Variants in NEDD9 observed in about 807,000 individuals in gnomAD.
NEDD9 encodes the protein enhancer of filamentation 1.
Under a neutral mutation model 76.6 loss-of-function variants are expected in NEDD9, and 26 were observed. That is an observed-to-expected ratio of 0.34 (90% CI 0.25 to 0.47). The LOEUF is 0.47. Ranked by LOEUF, NEDD9 falls within the 20% of genes least tolerant of loss-of-function variation. NEDD9 has a pLI of 1.00. For synonymous variants in NEDD9, 392 were observed against 414.2 expected, an observed-to-expected ratio of 0.95 and a Z score of 0.65; for missense variants, 937 against 1,058.5, an observed-to-expected ratio of 0.89 and a Z score of 1.59.
chr6:11,374,857 G>A (rs1366141819), intron 1 of NEDD9, among the ~76,000 whole-genome samples: 1 of 152,214 alleles, frequency 6.6e-6, no homozygotes, highest in Non-Finnish European at 1.5e-5. Flanking sequence ...CCCACAATCA[G>A]CATGGGCTAG....
chr6:11,215,948 A>T (rs543585143), intron 1 of NEDD9, among the ~76,000 whole-genome samples: 1 of 152,372 alleles, frequency 6.6e-6, no homozygotes, highest in East Asian at 1.9e-4. Flanking sequence ...GCACCGGAGC[A>T]TGCTTGATCA....
intron 1 of NEDD9, among the ~76,000 whole-genome samples, chr6:11,379,872 T>C (rs1035563197): frequency 2.6e-5 from 4 of 152,244 alleles, no homozygotes; most frequent in African/African-American, 9.6e-5. Flanking sequence ...TCATGCTCTA[T>C]CTATGTATCT....
chr6:11,217,511 C>T (rs1348627202), intron 1 of NEDD9, among the ~76,000 whole-genome samples: 1 of 152,196 alleles, frequency 6.6e-6, no homozygotes, highest in Non-Finnish European at 1.5e-5. Context: ...TGGTTAGTCT[C>T]CAAAGGCTGG....
intron 1 of NEDD9, among the ~76,000 whole-genome samples, chr6:11,351,855 G>T (rs975732215): frequency 1.3e-5 from 2 of 152,166 alleles, no homozygotes; most frequent in Admixed American, 1.3e-4. Flanking sequence ...TTCATTATAG[G>T]GGCCTCAGCC....
intron 1 of NEDD9, among the ~76,000 whole-genome samples, chr6:11,363,748 G>T (rs1408927206): frequency 6.6e-6 from 1 of 152,164 alleles, no homozygotes; most frequent in Non-Finnish European, 1.5e-5. Context: ...CTTTTTTGGG[G>T]ATATGTGAAT....
intron 2 of NEDD9, chr6:11,200,478 A>G: frequency 9.5e-7 from 1 of 1,057,104 alleles, no homozygotes; most frequent in Non-Finnish European, 1.2e-6. Flanking sequence ...AGGGGACAAG[A>G]CAACAGGAAC....
intron 3 of NEDD9, among the ~76,000 whole-genome samples, chr6:11,243,692 T>G (rs1322121096): frequency 6.6e-6 from 1 of 152,240 alleles, no homozygotes; most frequent in African/African-American, 2.4e-5. Flanking sequence ...TGTTTCAGTC[T>G]TCTTTTCAGG....
chr6:11,214,221 A>G (rs571334888), intron 1 of NEDD9: 22 of 518,324 alleles, frequency 4.2e-5, no homozygotes, highest in Admixed American at 2.5e-4. Flanking sequence ...TGAAAAGCCA[A>G]TAGAAGTACA....
chr6:11,288,368 T>G (rs897442931), intron 3 of NEDD9, among the ~76,000 whole-genome samples: 1 of 152,230 alleles, frequency 6.6e-6, no homozygotes, highest in Admixed American at 6.5e-5. Context: ...ATTAAATTCG[T>G]CTATACAACT....
At chr6:11,344,777 T>C (rs997462330) in intron 1 of NEDD9, among the ~76,000 whole-genome samples, 9 of 152,338 alleles carry the variant, frequency 5.9e-5, no homozygotes, top group African/African-American at 1.4e-4. Flanking sequence ...CCTTATCTCC[T>C]CATTTGCTTT....
At chr6:11,203,765 C>T (rs1758523300) in intron 2 of NEDD9, among the ~76,000 whole-genome samples, 1 of 152,102 alleles carries the variant, frequency 6.6e-6, no homozygotes, top group South Asian at 2.1e-4. Context: ...GTCTGTCAAA[C>T]ACTGATTCTC....
At chr6:11,264,763 T>C (rs1269794158) in intron 3 of NEDD9, among the ~76,000 whole-genome samples, 2 of 152,222 alleles carry the variant, frequency 1.3e-5, no homozygotes, top group Non-Finnish European at 2.9e-5. Context: ...GAAAAAAATA[T>C]GTTAACTGAC....
rs546740107 is a variant in NEDD9 at position 11,319,589 on chromosome 6, C to T, written c.-152-13434G>A. Among the ~76,000 whole-genome samples the T allele has an allele frequency of 3.5e-4, 52 of 148,088 alleles. 1 individual carries two copies. The highest frequency in any genetic ancestry group is 4.7e-4 in the Admixed American group (7 of 14,774). On this transcript the variant is annotated intron_variant, in intron 2 of 3. Coordinates refer to the NEDD9 transcript ENST00000397378. ...ACACACTAATATGCACTCACACTAA[C>T]GCACACACTAACCATGCACACTCAC...
chr6:11,250,392 T>A (rs1320083915), intron 3 of NEDD9, among the ~76,000 whole-genome samples: 1 of 152,198 alleles, frequency 6.6e-6, no homozygotes, highest in East Asian at 1.9e-4. Flanking sequence ...AATTTCTTTG[T>A]CAAGGTAGTT....
At chr6:11,189,922 ATGTGAGTGAGTGTAG>A in intron 5 of NEDD9, 27 bp downstream of exon 5, 2 of 1,502,248 alleles carry the variant, frequency 1.3e-6, no homozygotes, top group Non-Finnish European at 1.8e-6. Flanking sequence ...GGCTCCCTGC[ATGTGAGTGAGTGTAG>A]GTGTTTTATG....
chr6:11,319,604 T>C (rs924831661), intron 2 of NEDD9, among the ~76,000 whole-genome samples: 2 of 98,080 alleles, frequency 2.0e-5, no homozygotes, highest in Non-Finnish European at 4.0e-5. Context: ...ACACTAACCA[T>C]GCACACTCAC....
chr6:11,283,952 G>A lies in NEDD9; in HGVS notation c.12+22040C>T, dbSNP rs73721522. On this transcript the variant is annotated intron_variant, in intron 3 of 3. Coordinates refer to the NEDD9 transcript ENST00000397378. ...AATATAAAACCAGTCTAGTATGTAT[G>A]AAAGGTGATCTGGTCACTTCTTTAC... 2.2e-3 allele frequency among the ~76,000 whole-genome samples: 335 copies of A among 152,292 alleles called. 3 individuals carry two copies. The highest frequency in any genetic ancestry group is 7.6e-3 in the African/African-American group (317 of 41,556).
At position 11,185,465 on chromosome 6, in the gene NEDD9, G is replaced by T. The variant is rs199951028; in HGVS notation, c.2202C>A (p.Ser734Arg). Residue 734 changes from serine to arginine, a missense_variant, in exon 7 of 7, where the codon AGC becomes AGA. By Grantham distance (110) the Ser-to-Arg change is moderately radical. Transcript: ENST00000379446. ...CGAAGATTCGCGGGGGCTGGGCTGAGCTGACACAACTGAAGAGTGCGTCAA... is the reference window on the plus strand; with the variant it reads ...CGAAGATTCGCGGGGGCTGGGCTGATCTGACACAACTGAAGAGTGCGTCAA... ...NAIDALFSCV[S>R]SAQPPRIFVA... 1.9e-6 allele frequency: 3 copies of T among 1,614,134 alleles called. No individual in the cohort carries two copies. Among genetic ancestry groups the T allele is most frequent in the Middle Eastern group, 3.3e-4 (2 of 6,084 alleles).
chr6:11,197,931 G>C (rs942129948), intron 2 of NEDD9, among the ~76,000 whole-genome samples: 1 of 152,172 alleles, frequency 6.6e-6, no homozygotes. Flanking sequence ...CAGTCAGCAA[G>C]TTGGATGAGA....
Sources: allele counts gnomAD v4.1 joint callset (sites outside exome capture counted in the v4.1 genomes callset), GRCh38; gene constraint gnomAD v4.1.1; transcripts MANE v1.5; gene names NCBI Gene and HGNC (gene_info 2026-07-23, HGNC 2026-07-21).